The following DNAH14 variants were observed in gnomAD, a reference collection of about 807,000 sequenced individuals.
The protein encoded by DNAH14 is dynein axonemal heavy chain 14.
Under a neutral mutation model 520.9 loss-of-function variants are expected in DNAH14, and 478 were observed. That is an observed-to-expected ratio of 0.92 (90% confidence interval 0.85 to 0.99). The LOEUF (loss-of-function observed/expected upper bound fraction) is 0.99, where lower values mean the gene tolerates loss of function less well. Among genes scored for constraint, DNAH14 ranks in the 50% least tolerant of loss-of-function variants. DNAH14 has a pLI of 0.00. For missense variants in DNAH14, 4,831 were observed against 5,234.5 expected (o/e 0.92, Z 2.38); for synonymous variants, 1,581 against 1,757.2 (o/e 0.90, Z 2.51).
chr1:225,140,204 A>C (rs939588502), intron 27 of DNAH14, among the ~76,000 whole-genome samples: 19 of 152,178 alleles, frequency 1.2e-4, no homozygotes, highest in African/African-American at 4.6e-4. Flanking sequence ...GAGTTACTGG[A>C]ATCACAATTT....
At position 225,080,523 on chromosome 1, in the gene DNAH14, T is replaced by A. The variant is rs1189697757; in HGVS notation, c.2911T>A (p.Ser971Thr). Residue 971 changes from serine (S) to threonine (T), a missense_variant, in exon 19 of 86, where the codon TCT becomes ACT. By Grantham distance (58) the Ser-to-Thr change is moderately conservative (BLOSUM62 1). Transcript: ENST00000682510. ...TCAGGATTGTTTCAGTGATTCTCAA[T>A]CTCATATGCATTCTGTTAATGTGGA... ...HYQDCFSDSQ[S>T]HMHSVNVEEI... 6.4e-7 allele frequency: 1 copy of A among 1,551,734 alleles called. No individual in the cohort carries two copies. The highest frequency in any genetic ancestry group is 8.7e-7 in the Non-Finnish European group (1 of 1,147,036).
chr1:225,280,491 C>T (rs897835232), intron 54 of DNAH14, among the ~76,000 whole-genome samples: 4 of 151,370 alleles, frequency 2.6e-5, no homozygotes, highest in Admixed American at 6.6e-5. Flanking sequence ...CCCAGCTACT[C>T]GGGAGGCTGA....
chr1:225,387,235 CAT>C (rs991037483), intron 81 of DNAH14, among the ~76,000 whole-genome samples: 8 of 149,726 alleles, frequency 5.3e-5, no homozygotes, highest in East Asian at 3.9e-4. Flanking sequence ...TGGGGCCTGT[CAT>C]GTGTGGGGGG....
chr1:225,206,212 C>A lies in DNAH14; in HGVS notation c.6186+33C>A. The A allele has an allele frequency of 1.3e-6, 2 of 1,494,852 alleles. 1 individual carries two copies. The highest frequency in any genetic ancestry group is 1.8e-6 in the Non-Finnish European group (2 of 1,111,482). The allele number at this position is 1,494,852 out of a possible 1,614,324, so 92.6% of individuals were successfully genotyped here. ...TTCAAAAACAAATGTTTTAACAAAG[C>A]AAAAATGTTGTTTATGATAGTAACT... On this transcript the variant is annotated intron_variant, in intron 40 of 85. Transcript: ENST00000682510.
At chr1:225,204,036 A>G (rs1040961929) in intron 38 of DNAH14, 147 bp from the exon 39 acceptor site, 4 of 446,894 alleles carry the variant, frequency 9.0e-6, no homozygotes, top group South Asian at 9.4e-5. Flanking sequence ...ACATTAGACT[A>G]TGCTGGTTAT....
At position 224,993,660 on chromosome 1, in the gene DNAH14, T is replaced by A. The variant is rs559788274; in HGVS notation, c.831-9123T>A. ...TTAGTTTTGTTGATCTTTTAAATTA[T>A]TTTTTCTAGACTCTATTTTATTTGT... On this transcript the variant is annotated intron_variant, in intron 8 of 85. Coordinates refer to ENST00000682510, the MANE Select transcript of DNAH14 (RefSeq NM_001367479.1). Among the ~76,000 whole-genome samples the A allele has an allele frequency of 6.4e-4, 97 of 152,076 alleles. 3 individuals carry two copies. In the South Asian group the frequency reaches 0.019, roughly 30 times the overall value.
At chr1:224,956,600 G>C (rs557327836) in intron 3 of DNAH14, among the ~76,000 whole-genome samples, 15 of 152,204 alleles carry the variant, frequency 9.9e-5, no homozygotes, top group African/African-American at 3.6e-4. Context: ...GCCTAATGAT[G>C]CATTTTTCAG....
At chr1:225,156,085 C>T (rs1161614969) in intron 34 of DNAH14, among the ~76,000 whole-genome samples, 3 of 152,010 alleles carry the variant, frequency 2.0e-5, no homozygotes, top group Non-Finnish European at 4.4e-5. Flanking sequence ...GGCCTCTGAC[C>T]TTATTTCTTA....
intron 54 of DNAH14, among the ~76,000 whole-genome samples, chr1:225,283,919 G>A (rs144435548): frequency 1.3e-3 from 197 of 152,132 alleles, no homozygotes; most frequent in African/African-American, 2.1e-3. Context: ...CTTTTACAAC[G>A]TACTCCTAAA....
chr1:225,239,037 A>G (rs1193364445), intron 42 of DNAH14, among the ~76,000 whole-genome samples: 9 of 152,174 alleles, frequency 5.9e-5, no homozygotes, highest in Admixed American at 5.9e-4. Flanking sequence ...ATTTGGTCCC[A>G]TCTCACACAG....
At chr1:225,267,693 C>T (rs148569052) in intron 49 of DNAH14, among the ~76,000 whole-genome samples, 173 of 152,144 alleles carry the variant, frequency 1.1e-3, no homozygotes, top group African/African-American at 4.0e-3. Flanking sequence ...GAACTGACTG[C>T]CACTTAAACT....
Position 225,324,235 on chromosome 1 carries a change from TA to T in DNAH14, c.9517del (p.Ile3173LeufsTer2), listed in dbSNP as rs551056975. 134 of 1,547,614 alleles carry T rather than the reference TA, an allele frequency of 8.7e-5. 1 individual carries two copies. In the East Asian group the frequency reaches 3.1e-3, roughly 36 times the overall value. ...DSIPDKVFVK[L>X]KKIVTLPDFN... ...TGTTCTCTCTAGGTTTTCGTGAAGC[TA>T]AAAAAAATTGTAACCTTACCTGATT... On this transcript the variant is annotated frameshift_variant, in exon 63 of 86. Transcript: ENST00000682510. LOFTEE classifies it high-confidence loss of function.
chr1:225,214,270 A>G (rs978625408), intron 41 of DNAH14, among the ~76,000 whole-genome samples: 1 of 152,076 alleles, frequency 6.6e-6, no homozygotes, highest in African/African-American at 2.4e-5. Context: ...ACTTGATCAT[A>G]GTGGATAAGC....
intron 10 of DNAH14, among the ~76,000 whole-genome samples, chr1:225,015,826 C>T (rs1348782990): frequency 1.3e-5 from 2 of 152,158 alleles, no homozygotes; most frequent in Non-Finnish European, 2.9e-5. Flanking sequence ...GAGTGGGAAG[C>T]AACAGCCTGG....
chr1:225,324,505 G>C (rs915704158), intron 63 of DNAH14, among the ~76,000 whole-genome samples, 152 bp downstream of exon 63: 3 of 152,164 alleles, frequency 2.0e-5, no homozygotes, highest in Non-Finnish European at 4.4e-5. Flanking sequence ...AACTCACACA[G>C]ATGTCAAGTG....
chr1:225,393,483 T>C (rs1042171798), intron 84 of DNAH14, among the ~76,000 whole-genome samples: 2 of 152,220 alleles, frequency 1.3e-5, no homozygotes, highest in Non-Finnish European at 2.9e-5. Context: ...CATCTATACA[T>C]AGAAATGCAT....
intron 71 of DNAH14, among the ~76,000 whole-genome samples, chr1:225,351,356 A>C (rs1008285666): frequency 3.9e-5 from 6 of 152,210 alleles, no homozygotes; most frequent in Admixed American, 1.3e-4. Flanking sequence ...GTGCCACTGC[A>C]TTCCATCCTG....
chr1:224,955,001 A>AT lies in DNAH14; in HGVS notation c.122dup (p.Leu41PhefsTer7), dbSNP rs769754707. 7.5e-6 allele frequency: 12 copies of AT among 1,608,828 alleles called. No homozygotes were observed. In the Admixed American group the frequency reaches 1.7e-4, roughly 22 times the overall value. ...AGAAAAAATATGAAGATGTGAAACC[A>AT]TTAGAGACTCAACCAGCTGAAATAG... On this transcript the variant is annotated frameshift_variant, in exon 3 of 86. Transcript: ENST00000682510. LOFTEE classifies it high-confidence loss of function.
intron 17 of DNAH14, among the ~76,000 whole-genome samples, chr1:225,073,399 G>A (rs917640066): frequency 1.3e-5 from 2 of 151,936 alleles, no homozygotes; most frequent in African/African-American, 2.4e-5. Flanking sequence ...CACTGATGGG[G>A]GTGGCTGGAG....
Sources: allele counts gnomAD v4.1 joint callset (sites outside exome capture counted in the v4.1 genomes callset), GRCh38; gene constraint gnomAD v4.1.1; transcripts MANE v1.5; gene names NCBI Gene and HGNC (gene_info 2026-07-23, HGNC 2026-07-21).